NAALADL2: variants seen among roughly 807,000 people sequenced by gnomAD.
NAALADL2 encodes N-acetylated alpha-linked acidic dipeptidase like 2.
Under a neutral mutation model 87.2 loss-of-function variants are expected in NAALADL2, and 76 were observed. The ratio of observed to expected loss-of-function variants is 0.87; its 90% CI spans 0.72 to 1.05. The LOEUF is 1.05. Among genes scored for constraint, NAALADL2 ranks in the 50% least tolerant of loss-of-function variants. The pLI is 0.00. For synonymous variants in NAALADL2, 354 were observed against 331.0 expected, an observed-to-expected ratio of 1.07 and a Z score of -0.75; for missense variants, 1,089 against 945.8, an observed-to-expected ratio of 1.15 and a Z score of -1.99.
In NAALADL2 at chr3:175,803,055, T is replaced by C. The variant is rs547423831; in HGVS notation, c.2240T>C (p.Ile747Thr). 145 of 1,612,244 alleles carry C rather than the reference T, an allele frequency of 9.0e-5. No homozygotes were observed. Among genetic ancestry groups the C allele is most frequent in the Non-Finnish European group, 1.1e-4 (135 of 1,178,952 alleles). The change falls in exon 14 of 14, where the codon ATA becomes ACA. Residue 747 changes from isoleucine (I) to threonine (T), a missense_variant. By Grantham distance (89) the Ile-to-Thr change is moderately conservative. Transcript: ENST00000454872. ...DEKTSRFSILIEAWEHCKPLA... is the reference protein window; with the variant it reads ...DEKTSRFSILTEAWEHCKPLA... Reference sequence around the variant, plus strand: ...AAGACAAGCCGGTTTTCAATACTTATAGAGGCTTGGGAACACTGCAAACCC... The same window carrying C: ...AAGACAAGCCGGTTTTCAATACTTACAGAGGCTTGGGAACACTGCAAACCC...
intron 5 of NAALADL2, among the ~76,000 whole-genome samples, chr3:175,355,105 G>T (rs1411227760): frequency 6.7e-6 from 1 of 149,826 alleles, no homozygotes; most frequent in Non-Finnish European, 1.5e-5. Flanking sequence ...GTCTTGCCCT[G>T]TCGCCCAGGC....
chr3:175,002,317 A>G (rs564982992), intron 1 of NAALADL2, among the ~76,000 whole-genome samples: 1 of 152,188 alleles, frequency 6.6e-6, no homozygotes, highest in African/African-American at 2.4e-5. Context: ...CAAGTGAGAA[A>G]CATCTTATAG....
chr3:175,047,798 A>G (rs1360015355), intron 1 of NAALADL2, among the ~76,000 whole-genome samples: 1 of 152,178 alleles, frequency 6.6e-6, no homozygotes, highest in African/African-American at 2.4e-5. Context: ...TTATTAAAAA[A>G]CTTTGCGAAT....
chr3:174,490,166 G>A (rs1718094671), intron 1 of NAALADL2, among the ~76,000 whole-genome samples: 1 of 152,042 alleles, frequency 6.6e-6, no homozygotes, highest in African/African-American at 2.4e-5. Context: ...TCCATCAACT[G>A]ATGAATGCAA....
chr3:174,522,961 A>T (rs957215615), intron 1 of NAALADL2, among the ~76,000 whole-genome samples: 2 of 151,374 alleles, frequency 1.3e-5, no homozygotes, highest in Non-Finnish European at 2.9e-5. Context: ...AAAAAAAGAA[A>T]AAAAACAACA....
chr3:174,898,187 A>G (rs1280806887), intron 1 of NAALADL2, among the ~76,000 whole-genome samples: 1 of 149,452 alleles, frequency 6.7e-6, no homozygotes, highest in East Asian at 2.0e-4. Context: ...ACATGGGCAG[A>G]ATTGGAGATT....
intron 1 of NAALADL2, among the ~76,000 whole-genome samples, chr3:174,865,046 G>C (rs1444968431): frequency 6.6e-6 from 1 of 151,980 alleles, no homozygotes; most frequent in Non-Finnish European, 1.5e-5. Flanking sequence ...TTGTTGCTCT[G>C]GTGACAGATA....
chr3:175,768,851 CAAA>C (rs35173343), intron 13 of NAALADL2, among the ~76,000 whole-genome samples: 1 of 100,764 alleles, frequency 9.9e-6, no homozygotes, highest in South Asian at 3.8e-4. Context: ...GACTTTGTCT[CAAA>C]AAAAAAAAAA....
At chr3:174,569,643 G>A (rs1000255981) in intron 2 of NAALADL2, among the ~76,000 whole-genome samples, 2 of 152,050 alleles carry the variant, frequency 1.3e-5, no homozygotes, top group Non-Finnish European at 2.9e-5. Flanking sequence ...TTTAAAGTTT[G>A]TTGAATTTTG....
intron 1 of NAALADL2, among the ~76,000 whole-genome samples, chr3:175,007,150 T>TAAAAAAAAAAA (rs397877957): frequency 1.4e-5 from 1 of 70,372 alleles, no homozygotes; most frequent in African/African-American, 3.7e-5. Flanking sequence ...TTTTATAGGA[T>TAAAAAAAAAAA]AAAAAAAAAA....
rs536375482 is a variant in NAALADL2, at chr3:175,366,318, T to C, written c.1090+41993T>C. On this transcript the variant is annotated intron_variant, in intron 5 of 13. Transcript: ENST00000454872. ...ATTGTGAATAGTGCCTCAATAAACA[T>C]ACGTGTGCATGTGTCTTTATAACAG... Among the ~76,000 whole-genome samples the C allele has an allele frequency of 1.8e-4, 27 of 151,862 alleles. No individual in the cohort carries two copies. The South Asian group carries it at 5.4e-3, about 30-fold the overall frequency.
At chr3:174,901,563 C>T (rs1249953406) in intron 1 of NAALADL2, among the ~76,000 whole-genome samples, 1 of 152,168 alleles carries the variant, frequency 6.6e-6, no homozygotes, top group Non-Finnish European at 1.5e-5. Flanking sequence ...CACCTTTTCT[C>T]AGTCCAGTTT....
At chr3:175,671,168 A>G (rs1317653815) in intron 11 of NAALADL2, among the ~76,000 whole-genome samples, 2 of 151,712 alleles carry the variant, frequency 1.3e-5, no homozygotes, top group African/African-American at 2.4e-5. Flanking sequence ...CATTTTTCCA[A>G]AGGAAGTGAA....
chr3:175,556,418 T>C (rs757066468), intron 9 of NAALADL2, among the ~76,000 whole-genome samples: 1 of 152,130 alleles, frequency 6.6e-6, no homozygotes, highest in South Asian at 2.1e-4. Context: ...TGTAAGATTC[T>C]TTAGGTTGGA....
chr3:174,679,000 T>C (rs1053505122), intron 2 of NAALADL2, among the ~76,000 whole-genome samples: 1 of 152,192 alleles, frequency 6.6e-6, no homozygotes, highest in African/African-American at 2.4e-5. Context: ...TTTCTTTTTG[T>C]TGTTACTGTG....
At chr3:175,117,303 AC>A (rs1725401166) in intron 2 of NAALADL2, among the ~76,000 whole-genome samples, 1 of 152,140 alleles carries the variant, frequency 6.6e-6, no homozygotes. Flanking sequence ...AGCAAAAGAA[AC>A]CACCATCAGA....
chr3:175,628,405 G>T (rs535608059), intron 11 of NAALADL2, among the ~76,000 whole-genome samples: 1 of 151,400 alleles, frequency 6.6e-6, no homozygotes, highest in East Asian at 1.9e-4. Context: ...TGTGAAATGT[G>T]TGTATTTTTA....
chr3:174,539,123 T>A (rs1721989442), intron 1 of NAALADL2, among the ~76,000 whole-genome samples: 1 of 152,140 alleles, frequency 6.6e-6, no homozygotes, highest in East Asian at 1.9e-4. Flanking sequence ...GTCAGTAAAA[T>A]CTATGTAAAC....
intron 1 of NAALADL2, among the ~76,000 whole-genome samples, chr3:174,447,000 TAAC>T (rs1437221992): frequency 2.6e-5 from 4 of 152,076 alleles, no homozygotes; most frequent in Admixed American, 2.6e-4. Context: ...TTAAAAATAA[TAAC>T]AAGGTATCTT....
Sources: allele counts gnomAD v4.1 joint callset (sites outside exome capture counted in the v4.1 genomes callset), GRCh38; gene constraint gnomAD v4.1.1; transcripts MANE v1.5; gene names NCBI Gene and HGNC (gene_info 2026-07-23, HGNC 2026-07-21).